MAP2K6: variants seen among roughly 807,000 people sequenced by gnomAD.
The protein encoded by MAP2K6 is mitogen-activated protein kinase kinase 6, also known as dual specificity mitogen-activated protein kinase kinase 6.
Under a neutral mutation model 53.7 loss-of-function variants are expected in MAP2K6, and 16 were observed. That is an observed-to-expected ratio of 0.30 (90% CI 0.20 to 0.45). The LOEUF (loss-of-function observed/expected upper bound fraction) is 0.45. Among genes scored for constraint, MAP2K6 ranks in the 20% least tolerant of loss-of-function variants. MAP2K6 has a pLI of 1.00. For synonymous variants in MAP2K6, 132 were observed against 143.1 expected (o/e 0.92, Z 0.55); for missense variants, 204 against 411.9 (o/e 0.50, Z 4.37).
At chr17:69,466,740 C>A (rs533115914) in intron 1 of MAP2K6, among the ~76,000 whole-genome samples, 6 of 152,342 alleles carry the variant, frequency 3.9e-5, no homozygotes, top group African/African-American at 9.6e-5. Context: ...TGACTTGGAG[C>A]AGCCTCGGTT....
intron 1 of MAP2K6, among the ~76,000 whole-genome samples, chr17:69,450,152 C>T (rs972797182): frequency 1.2e-4 from 18 of 147,282 alleles, no homozygotes; most frequent in Non-Finnish European, 2.4e-4. Flanking sequence ...GGTGTTTCAC[C>T]ATGTTGGCCA....
At chr17:69,536,604 GA>G (rs1407412038) in intron 11 of MAP2K6, among the ~76,000 whole-genome samples, 11 of 151,972 alleles carry the variant, frequency 7.2e-5, no homozygotes, top group East Asian at 5.8e-4. Flanking sequence ...AGCTAAGGAG[GA>G]AAAAAAATTT....
At chr17:69,506,724 T>C (rs1368235337) in intron 2 of MAP2K6, among the ~76,000 whole-genome samples, 1 of 152,228 alleles carries the variant, frequency 6.6e-6, no homozygotes, top group African/African-American at 2.4e-5. Context: ...TGGGATCATG[T>C]CTGCTGTAAG....
At position 69,527,349 on chromosome 17, in the gene MAP2K6, T is replaced by C. The variant is rs77630500; in HGVS notation, c.881+640T>C. Among the ~76,000 whole-genome samples the C allele has an allele frequency of 7.7e-3, 1,168 of 152,250 alleles. 15 individuals carry two copies. The highest frequency in any genetic ancestry group is 0.027 in the African/African-American group (1,120 of 41,546). ...TAACTGTGGAGAAACTTGCCCACCA[T>C]AAGAGACAATGCTGAAGTTCTGGGA... On this transcript the variant is annotated intron_variant, in intron 10 of 11. Transcript: ENST00000590474.
chr17:69,524,006 C>T (rs773913498), intron 8 of MAP2K6, among the ~76,000 whole-genome samples: 30 of 152,108 alleles, frequency 2.0e-4, no homozygotes, highest in Non-Finnish European at 4.0e-4. Context: ...GCTTAGTCCT[C>T]GCACGGTGAA....
At chr17:69,453,494 A>C (rs1002426296) in intron 1 of MAP2K6, among the ~76,000 whole-genome samples, 9 of 152,234 alleles carry the variant, frequency 5.9e-5, no homozygotes, top group African/African-American at 1.9e-4. Flanking sequence ...GTTCGACTGT[A>C]AGACTGATGA....
intron 1 of MAP2K6, among the ~76,000 whole-genome samples, chr17:69,495,280 C>G (rs1908905043): frequency 6.6e-6 from 1 of 151,618 alleles, no homozygotes; most frequent in Non-Finnish European, 1.5e-5. Context: ...CTCTTGTCGC[C>G]CAAGCTGGAG....
chr17:69,448,443 C>T (rs144762670), intron 1 of MAP2K6, among the ~76,000 whole-genome samples: 8 of 152,050 alleles, frequency 5.3e-5, no homozygotes, highest in African/African-American at 1.4e-4. Flanking sequence ...TGCTAAGGTG[C>T]GGACCTTTCT....
At chr17:69,446,768 C>T (rs1330015237) in intron 1 of MAP2K6, among the ~76,000 whole-genome samples, 1 of 152,054 alleles carries the variant, frequency 6.6e-6, no homozygotes, top group Admixed American at 6.6e-5. Context: ...AGTACATGCA[C>T]GAACGCCTCC....
At chr17:69,507,501 C>T (rs76760223) in intron 2 of MAP2K6, among the ~76,000 whole-genome samples, 1,988 of 152,242 alleles carry the variant, frequency 0.013, 53 homozygotes, top group African/African-American at 0.045. Context: ...CCATCTCCGT[C>T]CTTAATCCCC....
chr17:69,541,808 A>G lies in MAP2K6; in HGVS notation c.*55A>G. On this transcript the variant is annotated 3_prime_UTR_variant, in exon 12 of 12. Coordinates refer to ENST00000590474, the MANE Select transcript of MAP2K6 (RefSeq NM_002758.4). The stretch of plus-strand genomic sequence containing the variant: ...CTGTGGATTGGTGGGTTTCGGGGTG[A>G]AGCAAGTTCACTACAGCATCAATAG... The G allele has an allele frequency of 7.5e-7, 1 of 1,332,970 alleles. No individual in the cohort carries two copies. The highest frequency in any genetic ancestry group is 1.7e-5 in the Admixed American group (1 of 57,876). 82.6% of individuals were successfully genotyped at this position (1,332,970 alleles called of 1,614,324 possible). A position where few individuals can be genotyped will look rare whatever the true frequency, so the allele number is the denominator to read the frequency against.
At chr17:69,530,808 A>G (rs980323762) in intron 10 of MAP2K6, among the ~76,000 whole-genome samples, 1 of 152,198 alleles carries the variant, frequency 6.6e-6, no homozygotes, top group African/African-American at 2.4e-5. Flanking sequence ...TTTCATACAT[A>G]TATTAATATA....
chr17:69,458,633 A>G lies in MAP2K6; in HGVS notation c.16+43633A>G, dbSNP rs75635615. ...TTTCCCTGTTGCTGTTAATAGCACT[A>G]TCGTTCTCCTACTGTCCCTAGATTT... On this transcript the variant is annotated intron_variant, in intron 1 of 11. Transcript: ENST00000590474. 4.4e-3 allele frequency among the ~76,000 whole-genome samples: 677 copies of G among 152,292 alleles called. 4 individuals are homozygous for G. Among genetic ancestry groups the G allele is most frequent in the African/African-American group, 0.016 (656 of 41,550 alleles).
rs1912021819 is a variant in MAP2K6 at position 69,549,779 on chromosome 17, A to G, written c.*8026A>G. The G allele has an allele frequency of 6.6e-6, 1 of 152,162 alleles. No individual in the cohort carries two copies. The highest frequency in any genetic ancestry group is 6.5e-5 in the Admixed American group (1 of 15,272). 9.4% of individuals were successfully genotyped at this position (152,162 alleles called of 1,614,324 possible). On this transcript the variant is annotated 3_prime_UTR_variant, in exon 12 of 12. Coordinates refer to ENST00000590474, the MANE Select transcript of MAP2K6 (RefSeq NM_002758.4). ...GGGTAATTTGCATCATTTGGTCACT[A>G]TCAATATTTGTGTTGGAGTCTGCAA...
intron 10 of MAP2K6, among the ~76,000 whole-genome samples, chr17:69,532,335 G>A (rs78920246): frequency 6.6e-6 from 1 of 152,198 alleles, no homozygotes; most frequent in Non-Finnish European, 1.5e-5. Context: ...ATTCAAATAG[G>A]CAGAAATCCT....
rs547849624 is a variant in MAP2K6, at chr17:69,480,870, A to G, written c.17-24910A>G. Among the ~76,000 whole-genome samples the G allele has an allele frequency of 6.8e-4, 104 of 152,332 alleles. 3 individuals are homozygous for G. In the South Asian group the frequency reaches 0.021, roughly 30 times the overall value. ...AGCTTGGTTTTGGATTCAGACCTGG[A>G]TGGGAATACTAACTGTTAGAACTTG... On this transcript the variant is annotated intron_variant, in intron 1 of 11. Coordinates refer to ENST00000590474, the MANE Select transcript of MAP2K6 (RefSeq NM_002758.4).
intron 1 of MAP2K6, among the ~76,000 whole-genome samples, chr17:69,447,868 G>A (rs1215155098): frequency 6.6e-6 from 1 of 152,204 alleles, no homozygotes; most frequent in Non-Finnish European, 1.5e-5. Flanking sequence ...CCTGTGCTGG[G>A]GAGACTTGCT....
chr17:69,422,251 C>T (rs1906113936), intron 1 of MAP2K6, among the ~76,000 whole-genome samples: 1 of 151,098 alleles, frequency 6.6e-6, no homozygotes, highest in Admixed American at 6.6e-5. Flanking sequence ...CCTGCCTCAG[C>T]CTCCCGAGTA....
rs566897611 is a variant in MAP2K6 at position 69,450,877 on chromosome 17, T to C, written c.16+35877T>C. Among the ~76,000 whole-genome samples, 10 of 152,280 alleles carry C rather than the reference T, an allele frequency of 6.6e-5. No homozygotes were observed. In the South Asian group the frequency reaches 2.1e-3, roughly 32 times the overall value. The stretch of plus-strand genomic sequence containing the variant: ...AGAGCACTATGATAGAAAGTATTTA[T>C]GACACATGCAGACACACAAAAAGGA... On this transcript the variant is annotated intron_variant, in intron 1 of 11. Transcript: ENST00000590474.
Sources: allele counts gnomAD v4.1 joint callset (sites outside exome capture counted in the v4.1 genomes callset), GRCh38; gene constraint gnomAD v4.1.1; transcripts MANE v1.5; gene names NCBI Gene and HGNC (gene_info 2026-07-23, HGNC 2026-07-21).